The following BCORL1 variants were observed in gnomAD, a reference collection of about 807,000 sequenced individuals.
BCORL1 encodes the protein BCL6 corepressor like 1, also known as BCL-6 corepressor-like protein 1.
Under a neutral mutation model 87.6 loss-of-function variants are expected in BCORL1, and 7 were observed. The observed-to-expected ratio is 0.08, with a 90% CI of 0.05 to 0.15. The LOEUF (loss-of-function observed/expected upper bound fraction) is 0.15, where lower values mean the gene tolerates loss of function less well. BCORL1 is among the 10% of genes least tolerant of loss of function. The pLI is 1.00. For synonymous variants in BCORL1, 591 were observed against 634.4 expected (o/e 0.93, Z 1.03); for missense variants, 1,215 against 1,499.7 (o/e 0.81, Z 3.13).
At chrX:130,055,686 C>G (rs1187418906) in intron 13 of BCORL1, among the ~76,000 whole-genome samples, 168 bp from the exon 14 acceptor site, 2 of 112,729 alleles carry the variant, frequency 1.8e-5, no homozygotes, top group Non-Finnish European at 3.8e-5. Flanking sequence ...CAGCTATACC[C>G]AAGGAGCCTG....
chrX:130,014,393 C>A lies in BCORL1; in HGVS notation c.1621C>A (p.Pro541Thr). Residue 541 changes from proline to threonine, a missense_variant, in exon 4 of 14, where the codon CCC becomes ACC. Transcript: ENST00000540052. ...CGGTAGCACCACCACCCAGCCTGCACCCGATGGGGTCCCTGGGCCTTTGGC... is the reference window on the plus strand; with the variant it reads ...CGGTAGCACCACCACCCAGCCTGCAACCGATGGGGTCCCTGGGCCTTTGGC... ...PSGSTTTQPA[P>T]DGVPGPLADT... The A allele has an allele frequency of 8.3e-7, 1 of 1,211,708 alleles. No homozygotes were observed. Among genetic ancestry groups the A allele is most frequent in the Non-Finnish European group, 1.1e-6 (1 of 895,492 alleles).
chrX:130,026,039 G>A (rs1417552805), intron 7 of BCORL1, among the ~76,000 whole-genome samples: 3 of 111,511 alleles, frequency 2.7e-5, no homozygotes, highest in East Asian at 2.8e-4. Context: ...ATACCATTCC[G>A]GAGGCACAGA....
chrX:130,028,850 G>A lies in BCORL1; in HGVS notation c.4294G>A (p.Glu1432Lys), dbSNP rs1389322464. The change falls in exon 8 of 14, where the codon GAA (glutamate) becomes AAA (lysine). Residue 1432 changes from glutamate (E) to lysine (K), a missense_variant. Around this residue, in one of 5 missense-constraint regions of BCORL1, gnomAD observed 166 missense variants for 196.5 expected, o/e 0.84. Transcript: ENST00000540052. ...CKTKHMATVS[E>K]EAKGKGRWSQ... Reference sequence around the variant, plus strand: ...GACCAAGCACATGGCAACCGTCTCAGAAGAGGCAAAGGTGTGTAGCTATCA... The same window carrying A: ...GACCAAGCACATGGCAACCGTCTCAAAAGAGGCAAAGGTGTGTAGCTATCA... 1 of 1,063,159 alleles carries A rather than the reference G, an allele frequency of 9.4e-7. No homozygotes were observed. The highest frequency in any genetic ancestry group is 1.2e-6 in the Non-Finnish European group (1 of 805,242). 87.6% of individuals were successfully genotyped at this position (1,063,159 alleles called of 1,213,427 possible). A position where few individuals can be genotyped will look rare whatever the true frequency, so the allele number is the denominator to read the frequency against.
chrX:130,034,350 A>G, intron 8 of BCORL1, 105 bp from the exon 9 acceptor site: 1 of 562,415 alleles, frequency 1.8e-6, no homozygotes, highest in Middle Eastern at 4.1e-4. Flanking sequence ...CAGCATGGAC[A>G]CAGATAAGGT....
At chrX:130,046,793 G>A (rs1374078900) in intron 11 of BCORL1, among the ~76,000 whole-genome samples, 12 of 110,707 alleles carry the variant, frequency 1.1e-4, no homozygotes, top group African/African-American at 2.3e-4. Context: ...TGATCCGCCC[G>A]CCTCGGCCTC....
At position 130,056,210 on chromosome X, in the gene BCORL1, C is replaced by T. The variant is rs937100970; in HGVS notation, c.*74C>T. ...CCCCACCTCCTTGTCTTTCCCCGACCGAGCACCAGACTGCAGAATGAGGCA... is the reference window on the plus strand; with the variant it reads ...CCCCACCTCCTTGTCTTTCCCCGACTGAGCACCAGACTGCAGAATGAGGCA... On this transcript the variant is annotated 3_prime_UTR_variant, in exon 14 of 14. Transcript: ENST00000540052. 480 of 1,021,588 alleles carry T rather than the reference C, an allele frequency of 4.7e-4. No homozygotes were observed. Among genetic ancestry groups the T allele is most frequent in the Non-Finnish European group, 5.9e-4 (453 of 772,974 alleles). 84.2% of individuals were successfully genotyped at this position (1,021,588 alleles called of 1,213,427 possible).
intron 4 of BCORL1, 72 bp from the exon 5 acceptor site, chrX:130,020,913 A>G (rs980196906): frequency 9.4e-7 from 1 of 1,067,453 alleles, no homozygotes; most frequent in Non-Finnish European, 1.2e-6. Context: ...AACGGGACAC[A>G]TGGCTCAACC....
At chrX:130,026,765 C>G (rs751723201) in intron 7 of BCORL1, among the ~76,000 whole-genome samples, 2 of 113,048 alleles carry the variant, frequency 1.8e-5, no homozygotes, top group East Asian at 5.6e-4. Context: ...TCAAGGCATC[C>G]TACTTGATTT....
intron 1 of BCORL1, among the ~76,000 whole-genome samples, chrX:130,001,569 G>A (rs1190551186): frequency 9.0e-6 from 1 of 111,456 alleles, no homozygotes; most frequent in Non-Finnish European, 1.9e-5. Context: ...CTAGGGGGAT[G>A]ACATGATGAC....
intron 1 of BCORL1, among the ~76,000 whole-genome samples, chrX:130,004,478 C>T (rs756807594): frequency 2.9e-4 from 32 of 111,159 alleles, no homozygotes; most frequent in Non-Finnish European, 5.5e-4. Flanking sequence ...CTCCTGACCT[C>T]AGGTGATCCA....
At chrX:130,024,858 G>A in intron 6 of BCORL1, 132 bp from the exon 7 acceptor site, 1 of 954,457 alleles carries the variant, frequency 1.0e-6, no homozygotes, top group Non-Finnish European at 1.4e-6. Flanking sequence ...TTCCCGAACG[G>A]TACAGCTAAT....
chrX:130,055,029 C>T (rs889452924), intron 13 of BCORL1, among the ~76,000 whole-genome samples: 1 of 112,266 alleles, frequency 8.9e-6, no homozygotes, highest in Admixed American at 9.4e-5. Flanking sequence ...GAGCCCAGGC[C>T]AGAAGTGGCA....
intron 10 of BCORL1, among the ~76,000 whole-genome samples, chrX:130,038,891 G>A (rs1931126492): frequency 9.0e-6 from 1 of 111,704 alleles, no homozygotes; most frequent in Non-Finnish European, 1.9e-5. Context: ...AAGATGTCAG[G>A]GGAACGTAAG....
intron 8 of BCORL1, among the ~76,000 whole-genome samples, chrX:130,032,738 T>C (rs1179067248): frequency 3.9e-5 from 2 of 50,973 alleles, no homozygotes; most frequent in African/African-American, 1.9e-4. Context: ...CTCTTCTATT[T>C]ATTTATTTAT....
chrX:130,049,926 G>C (rs1931974050), intron 11 of BCORL1, among the ~76,000 whole-genome samples: 1 of 111,639 alleles, frequency 9.0e-6, no homozygotes, highest in Non-Finnish European at 1.9e-5. Flanking sequence ...GTATAAAGTG[G>C]AGGTCCCAAA....
At chrX:130,022,236 CTTTTTTTT>C (rs34598574) in intron 5 of BCORL1, among the ~76,000 whole-genome samples, 882 of 56,324 alleles carry the variant, frequency 0.016, 14 homozygotes, top group African/African-American at 0.063. Context: ...TTCTTTCTTT[CTTTTTTTT>C]TTTTTTTTTT....
chrX:129,992,705 C>A (rs189468889), intron 1 of BCORL1, among the ~76,000 whole-genome samples: 11 of 110,454 alleles, frequency 1.0e-4, no homozygotes, highest in African/African-American at 3.0e-4. Context: ...ATTTAGAGAC[C>A]GGGTTATGAG....
At chrX:130,024,329 G>A (rs1003961008) in intron 6 of BCORL1, among the ~76,000 whole-genome samples, 1 of 111,148 alleles carries the variant, frequency 9.0e-6, no homozygotes, top group African/African-American at 3.3e-5. Flanking sequence ...TTGGCAAGTC[G>A]GGAGGAGGTG....
At chrX:130,024,690 G>A (rs925992603) in intron 6 of BCORL1, among the ~76,000 whole-genome samples, 1 of 111,494 alleles carries the variant, frequency 9.0e-6, no homozygotes, top group South Asian at 3.8e-4. Flanking sequence ...ATGAGTAAGG[G>A]TGTGTGTTTT....
Sources: gnomAD v4.1 joint callset for allele counts (sites outside exome capture counted in the v4.1 genomes callset) on GRCh38, gnomAD v4.1.1 for gene constraint, gnomAD v4.1.1 regional missense constraint, MANE v1.5 for transcripts, NCBI Gene and HGNC (gene_info 2026-07-23, HGNC 2026-07-21) for gene names.